PALLD: variants seen among roughly 807,000 people sequenced by gnomAD.
PALLD encodes palladin, cytoskeletal associated protein.
In PALLD, 61 loss-of-function variants were observed where a neutral mutation model predicts 123.5. That is an observed-to-expected ratio of 0.49 (90% CI 0.40 to 0.61). The LOEUF (loss-of-function observed/expected upper bound fraction) is 0.61. Among genes scored for constraint, PALLD ranks in the 20% least tolerant of loss-of-function variants. The pLI is 0.00. For missense variants in PALLD, 1,273 were observed against 1,377.0 expected (o/e 0.92, Z 1.20); for synonymous variants, 465 against 496.4 (o/e 0.94, Z 0.84).
At chr4:168,514,168 A>G (rs999172622) in intron 2 of PALLD, among the ~76,000 whole-genome samples, 2 of 152,196 alleles carry the variant, frequency 1.3e-5, no homozygotes, top group African/African-American at 4.8e-5. Context: ...AAAATGGTAA[A>G]GTAGACATCA....
chr4:168,886,471 G>A (rs1183366517), intron 10 of PALLD, among the ~76,000 whole-genome samples: 2 of 151,972 alleles, frequency 1.3e-5, no homozygotes, highest in Non-Finnish European at 2.9e-5. Flanking sequence ...GGGAGAACCT[G>A]TCCCTACAAA....
At chr4:168,693,283 C>T (rs1782825139) in intron 8 of PALLD, among the ~76,000 whole-genome samples, 1 of 152,116 alleles carries the variant, frequency 6.6e-6, no homozygotes, top group Non-Finnish European at 1.5e-5. Context: ...ACCCTGCGCC[C>T]TGTGTCCTTA....
At chr4:168,650,942 A>T (rs896371874) in intron 2 of PALLD, among the ~76,000 whole-genome samples, 2 of 152,192 alleles carry the variant, frequency 1.3e-5, no homozygotes, top group Non-Finnish European at 2.9e-5. Context: ...AAATACATAA[A>T]TGTATTTACA....
At chr4:168,636,454 T>C (rs1202784362) in intron 2 of PALLD, among the ~76,000 whole-genome samples, 1 of 152,168 alleles carries the variant, frequency 6.6e-6, no homozygotes, top group Non-Finnish European at 1.5e-5. Flanking sequence ...CACTGCCCTC[T>C]AGCCTGACTG....
intron 10 of PALLD, among the ~76,000 whole-genome samples, chr4:168,857,636 G>A (rs1386012751): frequency 6.6e-6 from 1 of 152,300 alleles, no homozygotes; most frequent in Non-Finnish European, 1.5e-5. Flanking sequence ...TGACGGCTGA[G>A]AGCAAAAATA....
intron 10 of PALLD, chr4:168,831,864 A>C: frequency 3.1e-6 from 1 of 324,534 alleles, no homozygotes; most frequent in East Asian, 1.7e-4. Flanking sequence ...TGGCTGCCCC[A>C]GGAAGGGGCC....
At chr4:168,916,128 G>C in intron 17 of PALLD, 101 bp downstream of exon 17, 1 of 1,184,804 alleles carries the variant, frequency 8.4e-7, no homozygotes, top group Non-Finnish European at 1.2e-6. Flanking sequence ...AGTATAAAAT[G>C]AGAGCTGGGC....
intron 10 of PALLD, among the ~76,000 whole-genome samples, chr4:168,798,995 G>A (rs1012035480): frequency 6.6e-6 from 1 of 152,176 alleles, no homozygotes; most frequent in African/African-American, 2.4e-5. Context: ...CAGAATCACA[G>A]CAGATTCAGA....
At chr4:168,915,327 CAG>C (rs1050764133) in intron 16 of PALLD, among the ~76,000 whole-genome samples, 1 of 152,160 alleles carries the variant, frequency 6.6e-6, no homozygotes, top group African/African-American at 2.4e-5. Context: ...TTAAAAGTGA[CAG>C]AGATGCACAG....
At chr4:168,910,803 C>T (rs528998463) in intron 15 of PALLD, among the ~76,000 whole-genome samples, 4 of 152,162 alleles carry the variant, frequency 2.6e-5, no homozygotes, top group South Asian at 2.1e-4. Context: ...GAATGCAATA[C>T]GAAGGTATTT....
intron 10 of PALLD, among the ~76,000 whole-genome samples, chr4:168,754,015 T>C (rs1422716134): frequency 6.6e-6 from 1 of 152,198 alleles, no homozygotes; most frequent in African/African-American, 2.4e-5. Flanking sequence ...TATACAATAA[T>C]ACAAATACTT....
chr4:168,664,769 G>GAAAAA (rs11301858), intron 2 of PALLD, among the ~76,000 whole-genome samples: 1 of 110,668 alleles, frequency 9.0e-6, no homozygotes. Flanking sequence ...AGAGGAGGAG[G>GAAAAA]AAAAAAAAAA....
chr4:168,914,159 G>A (rs1448428343), intron 16 of PALLD, 138 bp downstream of exon 16: 1 of 685,280 alleles, frequency 1.5e-6, no homozygotes, highest in Non-Finnish European at 2.6e-6. Context: ...TGAAGCCTGT[G>A]GCTCCTTGAT....
At chr4:168,650,110 G>A (rs1777886273) in intron 2 of PALLD, among the ~76,000 whole-genome samples, 1 of 152,066 alleles carries the variant, frequency 6.6e-6, no homozygotes. Flanking sequence ...GGAGGCGGAG[G>A]TTGCAGTGAG....
At chr4:168,732,165 A>G (rs1787239320) in intron 10 of PALLD, among the ~76,000 whole-genome samples, 2 of 152,362 alleles carry the variant, frequency 1.3e-5, no homozygotes, top group East Asian at 1.9e-4. Flanking sequence ...TGTACCTACC[A>G]CTTTCATCCG....
chr4:168,556,252 C>T (rs762475733), intron 2 of PALLD, among the ~76,000 whole-genome samples: 6 of 152,066 alleles, frequency 3.9e-5, no homozygotes, highest in Non-Finnish European at 5.9e-5. Flanking sequence ...CCCACCACCA[C>T]GCCCGGCTAA....
intron 10 of PALLD, among the ~76,000 whole-genome samples, chr4:168,890,715 T>C (rs1424648052): frequency 6.6e-6 from 1 of 152,196 alleles, no homozygotes; most frequent in Non-Finnish European, 1.5e-5. Flanking sequence ...CCCTAATGTA[T>C]GTGAACCTTC....
chr4:168,727,291 G>A (rs1005539943), intron 10 of PALLD, among the ~76,000 whole-genome samples: 2 of 152,150 alleles, frequency 1.3e-5, no homozygotes, highest in Admixed American at 1.3e-4. Context: ...AGTTCTTTGA[G>A]AAATCTCCAA....
Position 168,801,879 on chromosome 4 carries a change from C to A in PALLD, c.1965-89043C>A, listed in dbSNP as rs1056240970. On this transcript the variant is annotated intron_variant, in intron 10 of 21. Transcript: ENST00000505667. The stretch of plus-strand genomic sequence containing the variant: ...ACAAATGAAGAATCTCTCCTTCAGC[C>A]AGAGGGTGAGAGTGGCATAGGTAAC... Among the ~76,000 whole-genome samples the A allele has an allele frequency of 5.3e-5, 8 of 152,336 alleles. No homozygotes were observed. The East Asian group carries it at 1.5e-3, about 29-fold the overall frequency.
Sources: gnomAD v4.1 joint callset for allele counts (sites outside exome capture counted in the v4.1 genomes callset) on GRCh38, gnomAD v4.1.1 for gene constraint, MANE v1.5 for transcripts, NCBI Gene and HGNC (gene_info 2026-07-23, HGNC 2026-07-21) for gene names.